Variants in CNTNAP2 observed in about 807,000 individuals in gnomAD.
CNTNAP2 encodes the protein contactin-associated protein-like 2.
CNTNAP2 carries 98 observed loss-of-function variants against 155.2 expected under a neutral mutation model. That is an observed-to-expected ratio of 0.63 (90% CI 0.54 to 0.75). The LOEUF (loss-of-function observed/expected upper bound fraction) is 0.75, where lower values mean the gene tolerates loss of function less well. Ranked by LOEUF, CNTNAP2 falls within the 30% of genes least tolerant of loss-of-function variation. The pLI is 0.00. For missense variants in CNTNAP2, 1,727 were observed against 1,688.1 expected (o/e 1.02, Z -0.40); for synonymous variants, 651 against 631.2 (o/e 1.03, Z -0.47).
chr7:147,637,048 A>G (rs942612055), intron 12 of CNTNAP2, among the ~76,000 whole-genome samples: 63 of 152,074 alleles, frequency 4.1e-4, no homozygotes, highest in Admixed American at 7.2e-4. Flanking sequence ...AGGAGCAAGG[A>G]GGGAGGATTG....
chr7:148,003,679 A>T (rs1202926185), intron 15 of CNTNAP2, among the ~76,000 whole-genome samples: 1 of 152,202 alleles, frequency 6.6e-6, no homozygotes, highest in African/African-American at 2.4e-5. Flanking sequence ...GTATAAAAGA[A>T]ATTATTTTGT....
chr7:148,141,621 T>C (rs1563213031), intron 16 of CNTNAP2, among the ~76,000 whole-genome samples: 1 of 152,170 alleles, frequency 6.6e-6, no homozygotes, highest in Non-Finnish European at 1.5e-5. Context: ...GAGAGAACAA[T>C]GAACAAAACA....
intron 1 of CNTNAP2, among the ~76,000 whole-genome samples, chr7:146,460,541 G>A (rs763355094): frequency 2.2e-4 from 34 of 152,244 alleles, no homozygotes; most frequent in Middle Eastern, 3.4e-3. Context: ...TCTATTGACT[G>A]ATAAATGGAT....
rs1430210578 is a variant in CNTNAP2, at chr7:148,217,352, T to C, written c.3075T>C (p.Asn1025=). The C allele has an allele frequency of 6.2e-7, 1 of 1,613,934 alleles. No homozygotes were observed. Among genetic ancestry groups the C allele is most frequent in the East Asian group, 2.2e-5 (1 of 44,888 alleles). Residue 1025 remains asparagine, a synonymous_variant, in exon 19 of 24, where the codon AAT becomes AAC. Coordinates refer to ENST00000361727, the MANE Select transcript of CNTNAP2 (RefSeq NM_014141.6). ...LRYNFQAPAT[N]ARDSSSRVDN... ...ATAACTTTCAGGCACCAGCAACAAA[T>C]GCCAGAGACTCCAGCAGCAGAGTAG...
chr7:146,173,857 A>G (rs1333796237), intron 1 of CNTNAP2, among the ~76,000 whole-genome samples: 1 of 152,184 alleles, frequency 6.6e-6, no homozygotes. Context: ...AAGTGTGCTC[A>G]AGCAGTAGCT....
chr7:147,244,214 G>C (rs1393569080), intron 8 of CNTNAP2, among the ~76,000 whole-genome samples: 1 of 152,052 alleles, frequency 6.6e-6, no homozygotes, highest in Non-Finnish European at 1.5e-5. Flanking sequence ...ATACACACAG[G>C]AACCCAACCT....
intron 3 of CNTNAP2, among the ~76,000 whole-genome samples, chr7:146,963,508 A>G (rs1404792887): frequency 6.6e-6 from 1 of 152,166 alleles, no homozygotes; most frequent in Non-Finnish European, 1.5e-5. Flanking sequence ...ACTCATTTTT[A>G]ATATATCTCA....
At chr7:148,101,364 T>A (rs933103147) in intron 15 of CNTNAP2, among the ~76,000 whole-genome samples, 4 of 115,056 alleles carry the variant, frequency 3.5e-5, no homozygotes, top group African/African-American at 1.0e-4. Flanking sequence ...TGTGTGTGTG[T>A]GTGTGTGTGT....
chr7:146,744,970 G>T (rs10254083), intron 1 of CNTNAP2, among the ~76,000 whole-genome samples: 12,179 of 152,132 alleles, frequency 0.08, 1,583 homozygotes, highest in African/African-American at 0.28. Flanking sequence ...ACAATCAAGT[G>T]GTGAATATTC....
At chr7:147,645,152 T>C (rs184454362) in intron 13 of CNTNAP2, among the ~76,000 whole-genome samples, 56 of 152,280 alleles carry the variant, frequency 3.7e-4, no homozygotes, top group African/African-American at 1.3e-3. Context: ...GTAAGCTGTG[T>C]AAAATTCAGC....
At chr7:147,735,754 T>A (rs1796832556) in intron 13 of CNTNAP2, among the ~76,000 whole-genome samples, 1 of 152,188 alleles carries the variant, frequency 6.6e-6, no homozygotes, top group African/African-American at 2.4e-5. Context: ...TCTTGTTGAA[T>A]TGATCCCTTT....
intron 12 of CNTNAP2, among the ~76,000 whole-genome samples, chr7:147,629,414 A>G (rs1795044586): frequency 7.6e-6 from 1 of 132,314 alleles, no homozygotes; most frequent in Non-Finnish European, 1.6e-5. Context: ...AAAAATAATA[A>G]TAATAATAAT....
At position 146,770,317 on chromosome 7, in the gene CNTNAP2, T is replaced by TACACACACACACAC. The variant is rs60507060; in HGVS notation, c.98-3934_98-3921dup. On this transcript the variant is annotated intron_variant, in intron 1 of 23. Transcript: ENST00000361727. ...AATTATATATATATATGTGTGTGTATACACACACACACACACACACACACA... is the reference window on the plus strand; with the variant it reads ...AATTATATATATATATGTGTGTGTATACACACACACACACACACACACACACACACACACACACA... Among the ~76,000 whole-genome samples, 63 of 143,686 alleles carry TACACACACACACAC rather than the reference T, an allele frequency of 4.4e-4. 1 individual carries two copies. The highest frequency in any genetic ancestry group is 6.7e-4 in the South Asian group (3 of 4,496). 94.3% of individuals were successfully genotyped at this position (143,686 alleles called of 152,430 possible). A position where few individuals can be genotyped will look rare whatever the true frequency, so the allele number is the denominator to read the frequency against.
chr7:146,947,723 T>C (rs1797220057), intron 3 of CNTNAP2, among the ~76,000 whole-genome samples: 1 of 150,784 alleles, frequency 6.6e-6, no homozygotes, highest in East Asian at 2.0e-4. Context: ...CTGGGCAACA[T>C]AGCAAAACCC....
chr7:147,810,059 G>A (rs1269192685), intron 13 of CNTNAP2, among the ~76,000 whole-genome samples: 5 of 152,174 alleles, frequency 3.3e-5, no homozygotes, highest in Admixed American at 3.3e-4. Flanking sequence ...TGCTTAAAAA[G>A]AGTAAACGTG....
chr7:147,936,653 T>C (rs1038586936), intron 14 of CNTNAP2, among the ~76,000 whole-genome samples: 2 of 152,190 alleles, frequency 1.3e-5, no homozygotes, highest in Admixed American at 1.3e-4. Flanking sequence ...CTTTTTCTCC[T>C]CTTTCTTCAA....
chr7:147,630,671 A>T (rs1795071834), intron 12 of CNTNAP2, among the ~76,000 whole-genome samples: 1 of 152,216 alleles, frequency 6.6e-6, no homozygotes. Flanking sequence ...GATTTAACAT[A>T]CACAACCAAA....
At chr7:147,611,743 A>G (rs1028120116) in intron 12 of CNTNAP2, among the ~76,000 whole-genome samples, 12 of 152,170 alleles carry the variant, frequency 7.9e-5, no homozygotes, top group Non-Finnish European at 1.2e-4. Context: ...CATCTGCTTT[A>G]CATACCTTAT....
chr7:148,249,814 T>TC (rs1217784171), intron 20 of CNTNAP2, among the ~76,000 whole-genome samples: 1 of 152,088 alleles, frequency 6.6e-6, no homozygotes, highest in Non-Finnish European at 1.5e-5. Flanking sequence ...CCTGAAAACA[T>TC]CCAAATTCTG....
Sources: allele counts gnomAD v4.1 joint callset (sites outside exome capture counted in the v4.1 genomes callset), GRCh38; gene constraint gnomAD v4.1.1; transcripts MANE v1.5; gene names NCBI Gene and HGNC (gene_info 2026-07-23, HGNC 2026-07-21).